POU6F2: variants seen among roughly 807,000 people sequenced by gnomAD.
POU6F2 encodes the protein POU domain, class 6, transcription factor 2.
Under a neutral mutation model 71.3 loss-of-function variants are expected in POU6F2, and 31 were observed. The ratio of observed to expected loss-of-function variants is 0.43; its 90% CI spans 0.33 to 0.59. The LOEUF (loss-of-function observed/expected upper bound fraction) is 0.59, where lower values mean the gene tolerates loss of function less well. POU6F2 is among the 20% of genes least tolerant of loss of function. POU6F2 has a pLI of 0.04. For missense variants in POU6F2, 783 were observed against 856.8 expected, an observed-to-expected ratio of 0.91 and a Z score of 1.07; for synonymous variants, 347 against 355.7, an observed-to-expected ratio of 0.98 and a Z score of 0.27.
intron 4 of POU6F2, among the ~76,000 whole-genome samples, chr7:39,243,013 C>A: frequency 6.6e-6 from 1 of 152,076 alleles, no homozygotes; most frequent in African/African-American, 2.4e-5. Context: ...CATAGAAGTA[C>A]CTCCATTAAT....
intron 5 of POU6F2, among the ~76,000 whole-genome samples, chr7:39,369,848 ATT>A (rs534189300): frequency 1.8e-4 from 25 of 135,392 alleles, no homozygotes; most frequent in Non-Finnish European, 1.6e-4. Flanking sequence ...CACTCGCAGC[ATT>A]TTTTTTTTTT....
chr7:39,080,626 A>G (rs1031851917), intron 1 of POU6F2, among the ~76,000 whole-genome samples: 1 of 152,220 alleles, frequency 6.6e-6, no homozygotes, highest in Admixed American at 6.5e-5. Flanking sequence ...TCACAACCAA[A>G]TGAATTGTTT....
intron 4 of POU6F2, among the ~76,000 whole-genome samples, chr7:39,305,631 A>G (rs1035284757): frequency 6.6e-6 from 1 of 152,246 alleles, no homozygotes; most frequent in African/African-American, 2.4e-5. Context: ...TCCAGGTATT[A>G]TAATTGCATG....
chr7:39,165,134 A>G (rs1023786784), intron 2 of POU6F2, among the ~76,000 whole-genome samples: 2 of 152,176 alleles, frequency 1.3e-5, no homozygotes, highest in Non-Finnish European at 2.9e-5. Context: ...CAGTGTTTTC[A>G]TAGGACTTTT....
At chr7:39,049,401 T>C (rs1188095039) in intron 1 of POU6F2, among the ~76,000 whole-genome samples, 1 of 152,024 alleles carries the variant, frequency 6.6e-6, no homozygotes, top group Non-Finnish European at 1.5e-5. Context: ...TCAAAATATT[T>C]TGCAATTTTC....
intron 1 of POU6F2, among the ~76,000 whole-genome samples, chr7:39,075,427 A>T (rs1164979010): frequency 1.3e-5 from 2 of 152,172 alleles, no homozygotes. Context: ...GTATTTATTT[A>T]TGGAAATCTG....
intron 1 of POU6F2, among the ~76,000 whole-genome samples, chr7:39,006,354 C>T (rs1197050929): frequency 1.3e-5 from 2 of 152,040 alleles, no homozygotes; most frequent in African/African-American, 4.8e-5. Flanking sequence ...ATCCCAGCTA[C>T]TCAGGAGGGT....
At chr7:39,133,660 A>G (rs1010174436) in intron 2 of POU6F2, among the ~76,000 whole-genome samples, 3 of 152,222 alleles carry the variant, frequency 2.0e-5, no homozygotes, top group East Asian at 1.9e-4. Context: ...CATGAATACA[A>G]TAACATTGTC....
intron 6 of POU6F2, among the ~76,000 whole-genome samples, chr7:39,410,240 C>T (rs1463870737): frequency 4.0e-5 from 6 of 151,744 alleles, no homozygotes; most frequent in Admixed American, 1.3e-4. Context: ...ACTTGGGAGG[C>T]GGAGGTTGCA....
chr7:39,312,836 T>A (rs544786616), intron 4 of POU6F2, among the ~76,000 whole-genome samples: 36 of 152,328 alleles, frequency 2.4e-4, no homozygotes, highest in Middle Eastern at 3.4e-3. Context: ...GACAAAGGGT[T>A]GCTTCACTTC....
At chr7:39,085,111 G>A (rs139355514) in intron 1 of POU6F2, 19 of 152,018 alleles carry the variant, frequency 1.2e-4, no homozygotes, top group East Asian at 5.8e-4. Context: ...CTAGGTATCC[G>A]AATTATTGAA....
At position 39,267,231 on chromosome 7, in the gene POU6F2, G is replaced by A. The variant is rs80350200; in HGVS notation, c.598+59611G>A. On this transcript the variant is annotated intron_variant, in intron 4 of 9. Coordinates refer to ENST00000518318, the MANE Select transcript of POU6F2 (RefSeq NM_001370959.1). ...GAATAGGAAAGAGAACACACACACA[G>A]ACGCCCATAAAATTACAGTGTAGGA... is the stretch of plus-strand genomic sequence containing the variant. 1.1e-4 allele frequency among the ~76,000 whole-genome samples: 16 copies of A among 152,244 alleles called. No individual in the cohort carries two copies. The East Asian group carries it at 3.1e-3, about 29-fold the overall frequency.
intron 2 of POU6F2, among the ~76,000 whole-genome samples, chr7:39,100,260 A>G (rs1272197723): frequency 1.3e-5 from 2 of 152,264 alleles, no homozygotes; most frequent in African/African-American, 4.8e-5. Flanking sequence ...AAAATCTATC[A>G]GTGCCACACT....
At chr7:39,234,091 A>G (rs903657410) in intron 4 of POU6F2, among the ~76,000 whole-genome samples, 5 of 152,202 alleles carry the variant, frequency 3.3e-5, no homozygotes, top group African/African-American at 9.6e-5. Flanking sequence ...CCCATTTTGT[A>G]GACAATCAGC....
intron 1 of POU6F2, chr7:39,006,782 C>T: frequency 6.7e-7 from 1 of 1,494,440 alleles, no homozygotes; most frequent in Non-Finnish European, 9.3e-7. Context: ...GGTTGTGTTA[C>T]CCTGTTTGCT....
chr7:39,022,827 C>A (rs975760023), intron 1 of POU6F2, among the ~76,000 whole-genome samples: 1 of 152,000 alleles, frequency 6.6e-6, no homozygotes, highest in African/African-American at 2.4e-5. Flanking sequence ...CATTCTTTTG[C>A]ATGGACATAT....
intron 5 of POU6F2, among the ~76,000 whole-genome samples, chr7:39,342,463 A>C (rs1327444002): frequency 6.6e-6 from 1 of 152,250 alleles, no homozygotes. Flanking sequence ...CATGTATGAT[A>C]GCCTAAATTT....
chr7:39,308,124 T>C (rs1010742027), intron 4 of POU6F2, among the ~76,000 whole-genome samples: 3 of 152,176 alleles, frequency 2.0e-5, no homozygotes, highest in African/African-American at 7.2e-5. Context: ...AGAAGGACTT[T>C]CTACACCAAG....
chr7:39,033,766 C>T (rs182477970), intron 1 of POU6F2, among the ~76,000 whole-genome samples: 1 of 152,142 alleles, frequency 6.6e-6, no homozygotes, highest in African/African-American at 2.4e-5. Context: ...TTTGTTGCAC[C>T]AGGCAGTAAC....
Sources: gnomAD v4.1 joint callset for allele counts (sites outside exome capture counted in the v4.1 genomes callset) on GRCh38, gnomAD v4.1.1 for gene constraint, MANE v1.5 for transcripts, NCBI Gene and HGNC (gene_info 2026-07-23, HGNC 2026-07-21) for gene names.